CADPS2: variants seen among roughly 807,000 people sequenced by gnomAD.
CADPS2 encodes the protein calcium-dependent secretion activator 2.
A neutral mutation model predicts 172.5 loss-of-function variants in CADPS2; 93 were observed. The ratio of observed to expected loss-of-function variants is 0.54; its 90% CI spans 0.46 to 0.64. CADPS2 has a LOEUF of 0.64. Among genes scored for constraint, CADPS2 ranks in the 30% least tolerant of loss-of-function variants. CADPS2 has a pLI of 0.00. For synonymous variants in CADPS2, 546 were observed against 555.2 expected, an observed-to-expected ratio of 0.98 and a Z score of 0.23; for missense variants, 1,420 against 1,565.9, an observed-to-expected ratio of 0.91 and a Z score of 1.57.
chr7:122,554,389 A>G (rs996863617), intron 8 of CADPS2, among the ~76,000 whole-genome samples, 161 bp downstream of exon 8: 3 of 152,160 alleles, frequency 2.0e-5, no homozygotes, highest in Admixed American at 2.0e-4. Context: ...AAAGCCGTCT[A>G]TGGGTATAAA....
chr7:122,637,767 G>C (rs778685925), intron 3 of CADPS2, among the ~76,000 whole-genome samples: 1 of 152,164 alleles, frequency 6.6e-6, no homozygotes, highest in Non-Finnish European at 1.5e-5. Context: ...TTCTTGCACT[G>C]ATTCTTTTTC....
At chr7:122,624,417 C>T (rs1587923483) in intron 4 of CADPS2, among the ~76,000 whole-genome samples, 1 of 152,236 alleles carries the variant, frequency 6.6e-6, no homozygotes, top group South Asian at 2.1e-4. Flanking sequence ...TTCTTATGCG[C>T]TCTTAACCTT....
At chr7:122,792,454 T>C (rs1236021220) in intron 1 of CADPS2, among the ~76,000 whole-genome samples, 1 of 152,078 alleles carries the variant, frequency 6.6e-6, no homozygotes, top group Non-Finnish European at 1.5e-5. Flanking sequence ...AGAGGTGAAA[T>C]CTTCAGTACC....
At chr7:122,662,787 C>T (rs1429582341) in intron 3 of CADPS2, among the ~76,000 whole-genome samples, 1 of 152,168 alleles carries the variant, frequency 6.6e-6, no homozygotes, top group Non-Finnish European at 1.5e-5. Context: ...TTATTTCAAT[C>T]TGGATGAGTT....
At chr7:122,738,846 A>AGG (rs1441722684) in intron 1 of CADPS2, among the ~76,000 whole-genome samples, 1 of 103,150 alleles carries the variant, frequency 9.7e-6, no homozygotes, top group Non-Finnish European at 2.1e-5. Flanking sequence ...TATTGTACCC[A>AGG]GGGGGGGAAA....
intron 14 of CADPS2, among the ~76,000 whole-genome samples, chr7:122,463,737 A>C (rs1367302818): frequency 6.6e-6 from 1 of 152,192 alleles, no homozygotes; most frequent in Non-Finnish European, 1.5e-5. Flanking sequence ...TTTTGACTGG[A>C]AACTGAAAGG....
intron 2 of CADPS2, among the ~76,000 whole-genome samples, chr7:122,719,691 G>C (rs2090135165): frequency 1.3e-5 from 2 of 151,926 alleles, no homozygotes; most frequent in South Asian, 4.1e-4. Flanking sequence ...AATCAGGTCG[G>C]CAATTAAATT....
At chr7:122,653,556 A>G (rs1220181229) in intron 3 of CADPS2, among the ~76,000 whole-genome samples, 1 of 152,204 alleles carries the variant, frequency 6.6e-6, no homozygotes, top group East Asian at 1.9e-4. Flanking sequence ...ATACAGGCGT[A>G]CATCATTTTA....
At chr7:122,421,351 T>C (rs2048505647) in intron 17 of CADPS2, among the ~76,000 whole-genome samples, 1 of 152,182 alleles carries the variant, frequency 6.6e-6, no homozygotes, top group Non-Finnish European at 1.5e-5. Context: ...GTATCTGTAC[T>C]TGCAGCTAAA....
chr7:122,885,026 G>T (rs996274081), intron 1 of CADPS2, among the ~76,000 whole-genome samples: 12 of 152,240 alleles, frequency 7.9e-5, no homozygotes, highest in African/African-American at 2.4e-4. Context: ...AATCTCTCTG[G>T]ATCTCTAGGT....
chr7:122,492,751 G>A (rs572976645), intron 9 of CADPS2, among the ~76,000 whole-genome samples: 7 of 152,048 alleles, frequency 4.6e-5, no homozygotes, highest in Admixed American at 2.6e-4. Context: ...CCAGGCTGGA[G>A]GACAGTGGCA....
At chr7:122,723,305 G>A (rs893391296) in intron 2 of CADPS2, among the ~76,000 whole-genome samples, 12 of 151,814 alleles carry the variant, frequency 7.9e-5, no homozygotes, top group East Asian at 3.9e-4. Flanking sequence ...AATATCCAGA[G>A]TCTACAAAGA....
intron 27 of CADPS2, among the ~76,000 whole-genome samples, chr7:122,350,365 A>G (rs1049535998): frequency 6.6e-5 from 10 of 152,172 alleles, no homozygotes; most frequent in Non-Finnish European, 1.5e-4. Flanking sequence ...GTTAAAAACA[A>G]TATTTTTCTT....
intron 20 of CADPS2, 118 bp from the exon 21 acceptor site, chr7:122,393,700 C>T: frequency 2.0e-6 from 2 of 1,011,356 alleles, no homozygotes; most frequent in Non-Finnish European, 3.0e-6. Flanking sequence ...TGATAAAATG[C>T]AGATGAGAGT....
At chr7:122,753,424 G>A (rs951120760) in intron 1 of CADPS2, among the ~76,000 whole-genome samples, 1 of 152,044 alleles carries the variant, frequency 6.6e-6, no homozygotes, top group South Asian at 2.1e-4. Flanking sequence ...TTCCAATTTG[G>A]TGTTTATTCA....
At chr7:122,703,002 G>A (rs550539654) in intron 2 of CADPS2, 102 of 424,014 alleles carry the variant, frequency 2.4e-4, no homozygotes, top group Non-Finnish European at 3.8e-4. Flanking sequence ...CATCCAAATG[G>A]GGAAATTATG....
chr7:122,736,237 C>G lies in CADPS2; in HGVS notation c.453+718G>C, dbSNP rs572246847. Among the ~76,000 whole-genome samples the G allele has an allele frequency of 2.6e-5, 4 of 152,240 alleles. No individual in the cohort carries two copies. The South Asian group carries it at 8.3e-4, about 32-fold the overall frequency. On this transcript the variant is annotated intron_variant, in intron 2 of 29. Coordinates refer to ENST00000449022, the MANE Select transcript of CADPS2 (RefSeq NM_017954.11). ...GGTAAGTTCAGACCCATTGTATCTCCACATTTTCCCTTGTTTATTAGTCTA... is the reference window on the plus strand; with the variant it reads ...GGTAAGTTCAGACCCATTGTATCTCGACATTTTCCCTTGTTTATTAGTCTA...
At chr7:122,592,244 T>C (rs1250741536) in intron 6 of CADPS2, among the ~76,000 whole-genome samples, 1 of 152,078 alleles carries the variant, frequency 6.6e-6, no homozygotes, top group Non-Finnish European at 1.5e-5. Context: ...AAAATGCTCA[T>C]CATCACTGGC....
chr7:122,604,248 GTA>G (rs1456989053), intron 6 of CADPS2, among the ~76,000 whole-genome samples: 3 of 152,024 alleles, frequency 2.0e-5, no homozygotes, highest in African/African-American at 7.2e-5. Context: ...CCTAACTTAT[GTA>G]TATCACCATT....
Sources: allele counts gnomAD v4.1 joint callset (sites outside exome capture counted in the v4.1 genomes callset), GRCh38; gene constraint gnomAD v4.1.1; transcripts MANE v1.5; gene names NCBI Gene and HGNC (gene_info 2026-07-23, HGNC 2026-07-21).